Variants in GRM8 observed in about 807,000 individuals in gnomAD.
The protein encoded by GRM8 is glutamate metabotropic receptor 8.
GRM8 carries 47 observed loss-of-function variants against 87.2 expected under a neutral mutation model. The ratio of observed to expected loss-of-function variants is 0.54; its 90% CI spans 0.43 to 0.69. The LOEUF is 0.69. Among genes scored for constraint, GRM8 ranks in the 30% least tolerant of loss-of-function variants. The pLI, the probability that GRM8 is intolerant of heterozygous loss-of-function variation, is 0.00. For missense variants in GRM8, 1,019 were observed against 1,139.2 expected (o/e 0.89, Z 1.52); for synonymous variants, 396 against 404.5 (o/e 0.98, Z 0.25).
At chr7:126,708,543 A>C (rs188395811) in intron 7 of GRM8, among the ~76,000 whole-genome samples, 1 of 150,302 alleles carries the variant, frequency 6.7e-6, no homozygotes, top group Non-Finnish European at 1.5e-5. Flanking sequence ...ATATGATTCT[A>C]TATATATAAA....
At chr7:127,152,454 A>C (rs1002341291) in intron 2 of GRM8, among the ~76,000 whole-genome samples, 5 of 152,122 alleles carry the variant, frequency 3.3e-5, no homozygotes, top group Non-Finnish European at 5.9e-5. Context: ...CTAAAATCCA[A>C]ATATAAGCAT....
chr7:126,795,711 A>G (rs534881276), intron 6 of GRM8, among the ~76,000 whole-genome samples: 12 of 152,240 alleles, frequency 7.9e-5, no homozygotes, highest in Non-Finnish European at 1.8e-4. Context: ...TTTAGACATT[A>G]TCCAATTGTC....
chr7:126,630,088 C>A (rs1801107138), intron 7 of GRM8, among the ~76,000 whole-genome samples: 1 of 151,382 alleles, frequency 6.6e-6, no homozygotes, highest in Non-Finnish European at 1.5e-5. Flanking sequence ...ACATGAAATT[C>A]TTAACAAAAG....
intron 3 of GRM8, chr7:127,058,131 C>T (rs1820193617): frequency 3.8e-6 from 2 of 520,536 alleles, no homozygotes; most frequent in Non-Finnish European, 7.9e-6. Flanking sequence ...CACGTGATGA[C>T]GCTGTGCCAT....
At chr7:127,132,497 T>C (rs1032861381) in intron 2 of GRM8, among the ~76,000 whole-genome samples, 1 of 152,032 alleles carries the variant, frequency 6.6e-6, no homozygotes, top group African/African-American at 2.4e-5. Flanking sequence ...AAAACAGACA[T>C]AGTTCAAGAA....
Position 126,769,960 on chromosome 7 carries a change from TTG to T in GRM8, c.1260_1261del (p.His420GlnfsTer18), listed in dbSNP as rs1434804850. On this transcript the variant is annotated frameshift_variant, in exon 7 of 11. Coordinates refer to ENST00000339582, the MANE Select transcript of GRM8 (RefSeq NM_000845.3). LOFTEE classifies it high-confidence loss of function. ...GCCAATGTATCCAGGGCAGAGATCTTTGTGCATATTGTGCAGGGCGTAAGCCA... is the reference window on the plus strand; with the variant it reads ...GCCAATGTATCCAGGGCAGAGATCTTTGCATATTGTGCAGGGCGTAAGCCA... 2 of 1,611,932 alleles carry T rather than the reference TTG, an allele frequency of 1.2e-6. No individual in the cohort carries two copies. Among genetic ancestry groups the T allele is most frequent in the African/African-American group, 2.7e-5 (2 of 74,872 alleles).
intron 7 of GRM8, among the ~76,000 whole-genome samples, chr7:126,735,104 T>C (rs1206035823): frequency 4.6e-5 from 7 of 152,098 alleles, no homozygotes; most frequent in Non-Finnish European, 8.8e-5. Flanking sequence ...AGAATCTTGA[T>C]GGATGGGCCC....
chr7:126,943,665 T>C (rs755631142), intron 3 of GRM8, among the ~76,000 whole-genome samples: 3 of 152,200 alleles, frequency 2.0e-5, no homozygotes, highest in African/African-American at 4.8e-5. Context: ...ACCTTATCCA[T>C]TTCTTCCCTC....
intron 6 of GRM8, among the ~76,000 whole-genome samples, chr7:126,873,270 G>A (rs1019622738): frequency 6.6e-6 from 1 of 151,884 alleles, no homozygotes; most frequent in African/African-American, 2.4e-5. Flanking sequence ...TTTCTATTCC[G>A]AACATGACCA....
At chr7:127,220,639 C>T (rs1215168919) in intron 2 of GRM8, among the ~76,000 whole-genome samples, 1 of 151,882 alleles carries the variant, frequency 6.6e-6, no homozygotes, top group African/African-American at 2.4e-5. Context: ...TGCATGCCAC[C>T]ATGTCCAGCT....
intron 7 of GRM8, among the ~76,000 whole-genome samples, chr7:126,754,662 T>C (rs1037750513): frequency 7.9e-5 from 12 of 151,950 alleles, no homozygotes; most frequent in Non-Finnish European, 1.8e-4. Context: ...ATTTATTTCT[T>C]CTATTTCTAT....
intron 3 of GRM8, among the ~76,000 whole-genome samples, chr7:127,019,275 GAC>G (rs1379885889): frequency 3.3e-5 from 5 of 152,046 alleles, no homozygotes; most frequent in African/African-American, 9.7e-5. Context: ...TATATTTAAA[GAC>G]ACAGTTGTCA....
intron 6 of GRM8, among the ~76,000 whole-genome samples, chr7:126,822,611 T>A (rs1229915070): frequency 6.6e-6 from 1 of 151,942 alleles, no homozygotes; most frequent in African/African-American, 2.4e-5. Flanking sequence ...CAGGCTGGAG[T>A]GCAGTGTCTA....
intron 3 of GRM8, among the ~76,000 whole-genome samples, chr7:127,072,956 CA>C (rs1186110714): frequency 1.4e-5 from 2 of 147,862 alleles, no homozygotes; most frequent in Non-Finnish European, 3.0e-5. Flanking sequence ...TTTCTTTCTT[CA>C]AAAAAGGCCA....
At chr7:126,496,481 T>G (rs1808758703) in intron 9 of GRM8, among the ~76,000 whole-genome samples, 1 of 152,012 alleles carries the variant, frequency 6.6e-6, no homozygotes, top group South Asian at 2.1e-4. Flanking sequence ...TCTCAGATTT[T>G]TTTGAGCCAA....
chr7:126,806,458 C>G lies in GRM8; in HGVS notation c.1157-36393G>C, dbSNP rs62470214. ...AGAAGAGGACCCGAGTGCATTGTGG[C>G]TGCTTGCGCAGCTGGCCTGCTTTTA... On this transcript the variant is annotated intron_variant, in intron 6 of 10. Coordinates refer to ENST00000339582, the MANE Select transcript of GRM8 (RefSeq NM_000845.3). 8.4e-3 allele frequency among the ~76,000 whole-genome samples: 1,275 copies of G among 152,374 alleles called. 14 individuals are homozygous for G. Among genetic ancestry groups the G allele is most frequent in the Non-Finnish European group, 0.012 (838 of 68,042 alleles).
rs187329037 is a variant in GRM8, at chr7:126,448,652, A to G, written c.2431-2280T>C. ...GTTAGTGTAGCAAGCTCTTCATTGG[A>G]CGCTATACTTTCAAATTATACCAAA... On this transcript the variant is annotated intron_variant, in intron 9 of 10. Coordinates refer to ENST00000339582, the MANE Select transcript of GRM8 (RefSeq NM_000845.3). Among the ~76,000 whole-genome samples the G allele has an allele frequency of 6.2e-4, 94 of 152,080 alleles. No homozygotes were observed. The East Asian group carries it at 0.017, about 27-fold the overall frequency.
chr7:126,949,465 C>G (rs1307257872), intron 3 of GRM8, among the ~76,000 whole-genome samples: 2 of 152,110 alleles, frequency 1.3e-5, no homozygotes, highest in Non-Finnish European at 2.9e-5. Flanking sequence ...CAAGAAGACC[C>G]TCTTTTAAAA....
intron 7 of GRM8, among the ~76,000 whole-genome samples, chr7:126,765,733 T>G (rs896826760): frequency 6.6e-6 from 1 of 152,124 alleles, no homozygotes; most frequent in Non-Finnish European, 1.5e-5. Flanking sequence ...TTTGTTCAGA[T>G]AGCAGCAATA....
Sources: gnomAD v4.1 joint callset for allele counts (sites outside exome capture counted in the v4.1 genomes callset) on GRCh38, gnomAD v4.1.1 for gene constraint, MANE v1.5 for transcripts, NCBI Gene and HGNC (gene_info 2026-07-23, HGNC 2026-07-21) for gene names.